The following CALN1 variants were observed in gnomAD, a reference collection of about 807,000 sequenced individuals.
The protein encoded by CALN1 is calcium-binding protein 8.
In CALN1, 17 loss-of-function variants were observed where a neutral mutation model predicts 30.6. The ratio of observed to expected loss-of-function variants is 0.56; its 90% CI spans 0.38 to 0.83. The LOEUF is 0.83. CALN1 is among the 40% of genes least tolerant of loss of function. The probability of loss-of-function intolerance (pLI) is 0.00; values close to 1 mark genes in which losing one functional copy is unlikely to be tolerated. For missense variants in CALN1, 291 were observed against 354.9 expected, an observed-to-expected ratio of 0.82 and a Z score of 1.45; for synonymous variants, 156 against 131.4, an observed-to-expected ratio of 1.19 and a Z score of -1.28.
upstream of CALN1, among the ~76,000 whole-genome samples, chr7:72,452,064 T>C (rs1045995001): frequency 1.3e-5 from 2 of 152,222 alleles, no homozygotes; most frequent in Non-Finnish European, 2.9e-5. Flanking sequence ...GAATGGAATA[T>C]GCCAGCACAG....
rs1800620479 is a variant in CALN1, at chr7:72,020,110, A to C, written c.501+3547T>G. On this transcript the variant is annotated intron_variant, in intron 5 of 6. Transcript: ENST00000395275. ...GGTCTCAGTCTGTCAGCCAGGATGG[A>C]GTGCAGTGGCACAATCACAGCTCAC... 2.0e-5 allele frequency among the ~76,000 whole-genome samples: 3 copies of C among 152,094 alleles called. No individual in the cohort carries two copies. In the South Asian group the frequency reaches 6.2e-4, roughly 32 times the overall value.
At chr7:72,105,761 GGAA>G (rs1239555863) in intron 4 of CALN1, among the ~76,000 whole-genome samples, 22 of 127,956 alleles carry the variant, frequency 1.7e-4, no homozygotes, top group Admixed American at 1.4e-3. Flanking sequence ...AGGGAGAAGA[GGAA>G]GAAGAAGGAG....
intron 5 of CALN1, among the ~76,000 whole-genome samples, chr7:71,989,187 C>G (rs1798823199): frequency 6.6e-6 from 1 of 152,136 alleles, no homozygotes; most frequent in African/African-American, 2.4e-5. Flanking sequence ...CCTCTATTCC[C>G]AACACTTTGG....
rs533183343 is a variant in CALN1, at chr7:72,264,475, T to G, written c.244+14211A>C. On this transcript the variant is annotated intron_variant, in intron 3 of 6. Transcript: ENST00000395275. ...GATCCTAATCTGCTACAACACTTCC[T>G]GCTCAAAAATAATAAGCAGGATTTT... 2.0e-5 allele frequency among the ~76,000 whole-genome samples: 3 copies of G among 151,224 alleles called. No individual in the cohort carries two copies. The South Asian group carries it at 6.3e-4, about 32-fold the overall frequency.
At chr7:72,315,301 C>T (rs990046997) in intron 2 of CALN1, among the ~76,000 whole-genome samples, 33 of 151,394 alleles carry the variant, frequency 2.2e-4, no homozygotes, top group African/African-American at 7.5e-4. Context: ...TTTAAAAAAC[C>T]GTGACCAATG....
upstream of CALN1, among the ~76,000 whole-genome samples, chr7:72,415,816 C>T (rs909868245): frequency 1.3e-5 from 2 of 152,188 alleles, no homozygotes; most frequent in Non-Finnish European, 2.9e-5. Flanking sequence ...AACTGCGCTA[C>T]TGGACGGTGA....
intron 2 of CALN1, among the ~76,000 whole-genome samples, chr7:72,399,252 G>C (rs1806178734): frequency 6.9e-6 from 1 of 144,046 alleles, no homozygotes; most frequent in Admixed American, 6.9e-5. Context: ...TCCCCAGCCG[G>C]TTTTGTCTAA....
intron 1 of CALN1, among the ~76,000 whole-genome samples, chr7:72,428,333 A>C (rs1412928083): frequency 6.6e-6 from 1 of 152,088 alleles, no homozygotes; most frequent in Non-Finnish European, 1.5e-5. Flanking sequence ...ACTGAAAGGG[A>C]GGCGATTTTT....
chr7:72,355,097 C>G (rs955288966), intron 2 of CALN1, among the ~76,000 whole-genome samples: 2 of 151,964 alleles, frequency 1.3e-5, no homozygotes, highest in African/African-American at 4.8e-5. Flanking sequence ...TTTATAGAGA[C>G]AGACTCTCAG....
At chr7:72,418,369 G>T (rs192608936) in intron 1 of CALN1, among the ~76,000 whole-genome samples, 2 of 152,296 alleles carry the variant, frequency 1.3e-5, no homozygotes, top group Admixed American at 1.3e-4. Flanking sequence ...ATCCACGAAT[G>T]ATGGGCACCT....
At chr7:72,500,240 T>C in the CALN1 span, among the ~76,000 whole-genome samples, 3 of 142,512 alleles carry the variant, frequency 2.1e-5, no homozygotes, top group African/African-American at 7.7e-5. Flanking sequence ...GTCTCTTTTG[T>C]GGGTCTCATG....
chr7:71,953,968 A>G (rs1796829750), intron 5 of CALN1, among the ~76,000 whole-genome samples: 1 of 152,192 alleles, frequency 6.6e-6, no homozygotes, highest in Admixed American at 6.5e-5. Context: ...TCTCTCAAAG[A>G]AAAGAGAACC....
At chr7:72,460,778 C>A in the CALN1 span, among the ~76,000 whole-genome samples, 4 of 152,006 alleles carry the variant, frequency 2.6e-5, no homozygotes, top group Non-Finnish European at 5.9e-5. Flanking sequence ...CCCTTGTGTC[C>A]CATTCTCTGA....
At chr7:72,275,423 G>A (rs781318028) in intron 3 of CALN1, among the ~76,000 whole-genome samples, 25 of 152,136 alleles carry the variant, frequency 1.6e-4, no homozygotes, top group Admixed American at 7.2e-4. Context: ...CAGACCCTGC[G>A]TGCCTGCTCT....
chr7:72,201,950 T>C (rs1018594011), intron 3 of CALN1, among the ~76,000 whole-genome samples: 1 of 152,000 alleles, frequency 6.6e-6, no homozygotes. Context: ...TGCTTTGAAA[T>C]AAAGCGGGAA....
At chr7:72,438,431 T>C (rs1808244448) in intron 1 of CALN1, among the ~76,000 whole-genome samples, 1 of 152,168 alleles carries the variant, frequency 6.6e-6, no homozygotes, top group Admixed American at 6.5e-5. Context: ...CTTGCCTGTA[T>C]TTCTTGACTC....
chr7:71,911,862 G>A (rs917070761), intron 5 of CALN1, among the ~76,000 whole-genome samples: 1 of 152,022 alleles, frequency 6.6e-6, no homozygotes, highest in Non-Finnish European at 1.5e-5. Context: ...ATCCTGCCCC[G>A]ATAAAGTAAC....
the CALN1 span, among the ~76,000 whole-genome samples, chr7:72,487,955 AAAGGAAGGAAGGAAGG>A: frequency 1.8e-5 from 1 of 54,390 alleles, no homozygotes; most frequent in Non-Finnish European, 3.4e-5. Context: ...GGAAGGAAGG[AAAGGAAGGAAGGAAGG>A]AAGGAAGGAA....
At chr7:72,229,084 T>G in intron 3 of CALN1, among the ~76,000 whole-genome samples, 1 of 151,710 alleles carries the variant, frequency 6.6e-6, no homozygotes, top group East Asian at 1.9e-4. Context: ...TTATTATTAT[T>G]TGTCCAGCAC....
Sources: allele counts gnomAD v4.1 joint callset (sites outside exome capture counted in the v4.1 genomes callset), GRCh38; gene constraint gnomAD v4.1.1; transcripts MANE v1.5; gene names NCBI Gene and HGNC (gene_info 2026-07-23, HGNC 2026-07-21).